CNTNAP5: variants seen among roughly 807,000 people sequenced by gnomAD.
The protein encoded by CNTNAP5 is contactin associated protein family member 5.
In CNTNAP5, 72 loss-of-function variants were observed where a neutral mutation model predicts 150.2. The ratio of observed to expected loss-of-function variants is 0.48; its 90% confidence interval spans 0.40 to 0.58. The LOEUF (loss-of-function observed/expected upper bound fraction) is 0.58, where lower values mean the gene tolerates loss of function less well. Among genes scored for constraint, CNTNAP5 ranks in the 20% least tolerant of loss-of-function variants. The pLI is 0.00. For synonymous variants in CNTNAP5, 672 were observed against 619.8 expected (o/e 1.08, Z -1.25); for missense variants, 1,636 against 1,626.2 (o/e 1.01, Z -0.10).
chr2:124,166,198 T>C (rs768595581), intron 1 of CNTNAP5, among the ~76,000 whole-genome samples: 1 of 152,176 alleles, frequency 6.6e-6, no homozygotes, highest in Non-Finnish European at 1.5e-5. Flanking sequence ...ATCGTTCCTA[T>C]GGCTTCACAT....
chr2:124,461,090 T>C (rs1275071670), intron 6 of CNTNAP5, among the ~76,000 whole-genome samples: 1 of 152,028 alleles, frequency 6.6e-6, no homozygotes, highest in Non-Finnish European at 1.5e-5. Flanking sequence ...GACTGTAAAC[T>C]AGTTCAACCA....
chr2:124,571,537 T>TCTCTTTTTTTTCTTTTTTC (rs1558959234), intron 11 of CNTNAP5, among the ~76,000 whole-genome samples: 1 of 102,214 alleles, frequency 9.8e-6, no homozygotes, highest in African/African-American at 3.8e-5. Flanking sequence ...CTTTTTTTTT[T>TCTCTTTTTTTTCTTTTTTC]TTTTTTTTTT....
At chr2:124,029,146 C>T (rs934725854) in intron 1 of CNTNAP5, among the ~76,000 whole-genome samples, 1 of 152,042 alleles carries the variant, frequency 6.6e-6, no homozygotes, top group African/African-American at 2.4e-5. Flanking sequence ...GGATCAAAAA[C>T]TCTTCATTCT....
intron 13 of CNTNAP5, among the ~76,000 whole-genome samples, chr2:124,694,910 G>C (rs1278726900): frequency 6.6e-6 from 1 of 152,044 alleles, no homozygotes; most frequent in African/African-American, 2.4e-5. Flanking sequence ...ATATGCTAAA[G>C]CTTTGCTTGT....
At position 124,713,310 on chromosome 2, in the gene CNTNAP5, CTTTCTTTCCTTTCTT is replaced by C. The variant is rs1558746899; in HGVS notation, c.2078-33917_2078-33903del. Reference sequence around the variant, plus strand: ...CTTTCTTTCTTTCTTTCTTCTTTCTCTTTCTTTCCTTTCTTTCTTTCTTTCTTTCTTTCTTTCTTT... The same window carrying C: ...CTTTCTTTCTTTCTTTCTTCTTTCTCTCTTTCTTTCTTTCTTTCTTTCTTT... On this transcript the variant is annotated intron_variant, in intron 13 of 23. Coordinates refer to ENST00000682447, the MANE Select transcript of CNTNAP5 (RefSeq NM_001367498.1). Among the ~76,000 whole-genome samples, 299 of 72,822 alleles carry C rather than the reference CTTTCTTTCCTTTCTT, an allele frequency of 4.1e-3. 16 individuals carry two copies. Among genetic ancestry groups the C allele is most frequent in the Admixed American group, 5.2e-3 (32 of 6,116 alleles). The allele number at this position is 72,822 out of a possible 152,430, so 47.8% of individuals were successfully genotyped here. A position where few individuals can be genotyped will look rare whatever the true frequency, so the allele number is the denominator to read the frequency against.
intron 3 of CNTNAP5, among the ~76,000 whole-genome samples, chr2:124,303,621 T>C (rs1485819996): frequency 6.6e-6 from 1 of 152,226 alleles, no homozygotes; most frequent in Non-Finnish European, 1.5e-5. Flanking sequence ...GAATTAAATA[T>C]ATAGATTATC....
chr2:124,274,104 T>A (rs757589610), intron 3 of CNTNAP5, among the ~76,000 whole-genome samples: 4 of 152,224 alleles, frequency 2.6e-5, no homozygotes, highest in Non-Finnish European at 5.9e-5. Flanking sequence ...CAATATATGA[T>A]AATTCAAAAT....
At chr2:124,060,163 A>G (rs973477326) in intron 1 of CNTNAP5, among the ~76,000 whole-genome samples, 4 of 152,134 alleles carry the variant, frequency 2.6e-5, no homozygotes, top group African/African-American at 9.7e-5. Flanking sequence ...TTTGGAATCG[A>G]TGACTCCACA....
intron 10 of CNTNAP5, among the ~76,000 whole-genome samples, chr2:124,561,038 T>C (rs1695880257): frequency 6.6e-6 from 1 of 152,050 alleles, no homozygotes; most frequent in Admixed American, 6.5e-5. Context: ...TTAAGGCAAT[T>C]TCTTGTTTTG....
At chr2:124,413,487 T>G (rs1004074234) in intron 3 of CNTNAP5, among the ~76,000 whole-genome samples, 3 of 132,454 alleles carry the variant, frequency 2.3e-5, no homozygotes, top group African/African-American at 8.6e-5. Context: ...AACCCAAATG[T>G]CCAACAATGA....
At position 124,479,556 on chromosome 2, in the gene CNTNAP5, G is replaced by A. The variant is rs540108035; in HGVS notation, c.1062+4674G>A. Among the ~76,000 whole-genome samples, 19 of 152,292 alleles carry A rather than the reference G, an allele frequency of 1.2e-4. No individual in the cohort carries two copies. The South Asian group carries it at 3.7e-3, about 30-fold the overall frequency. On this transcript the variant is annotated intron_variant, in intron 7 of 23. Transcript: ENST00000682447. Reference sequence around the variant, plus strand: ...GACTCTACTTACAGAGTTGGCTTTGGAGCTAATTGACTATGTCAATTCATT... The same window carrying A: ...GACTCTACTTACAGAGTTGGCTTTGAAGCTAATTGACTATGTCAATTCATT...
At chr2:124,789,069 T>C (rs1681662127) in intron 17 of CNTNAP5, among the ~76,000 whole-genome samples, 1 of 152,244 alleles carries the variant, frequency 6.6e-6, no homozygotes, top group African/African-American at 2.4e-5. Context: ...TTTGACTCCA[T>C]GTCTATCTGG....
chr2:124,474,964 C>T (rs1395093542), intron 7 of CNTNAP5, 82 bp downstream of exon 7: 5 of 1,216,502 alleles, frequency 4.1e-6, no homozygotes, highest in Non-Finnish European at 4.6e-6. Flanking sequence ...TTCCTGAACC[C>T]ATTCGTAATG....
At chr2:124,812,697 A>T (rs1442097523) in intron 19 of CNTNAP5, among the ~76,000 whole-genome samples, 1 of 151,984 alleles carries the variant, frequency 6.6e-6, no homozygotes, top group Non-Finnish European at 1.5e-5. Context: ...TTGTAGATCT[A>T]CCTATAACCT....
At chr2:124,162,770 C>A (rs554838255) in intron 1 of CNTNAP5, among the ~76,000 whole-genome samples, 7 of 152,160 alleles carry the variant, frequency 4.6e-5, no homozygotes, top group African/African-American at 1.7e-4. Context: ...TTTCTATATG[C>A]CTATGTGAAT....
At chr2:124,236,078 G>T (rs1573857051) in intron 2 of CNTNAP5, among the ~76,000 whole-genome samples, 1 of 152,020 alleles carries the variant, frequency 6.6e-6, no homozygotes, top group Non-Finnish European at 1.5e-5. Context: ...TGATTCTCCT[G>T]CCTCAGCCTC....
At chr2:124,359,249 A>G (rs984521981) in intron 3 of CNTNAP5, among the ~76,000 whole-genome samples, 1 of 151,344 alleles carries the variant, frequency 6.6e-6, no homozygotes, top group Non-Finnish European at 1.5e-5. Context: ...TCCTTTCAAA[A>G]AACCAGCTCC....
intron 19 of CNTNAP5, among the ~76,000 whole-genome samples, chr2:124,852,218 G>A (rs575959192): frequency 5.9e-5 from 9 of 152,170 alleles, no homozygotes; most frequent in Non-Finnish European, 1.3e-4. Context: ...AGTCCATGAT[G>A]CACTAATCAA....
chr2:124,184,568 CA>C (rs1475876096), intron 1 of CNTNAP5, among the ~76,000 whole-genome samples: 1 of 152,112 alleles, frequency 6.6e-6, no homozygotes, highest in African/African-American at 2.4e-5. Context: ...ACTCTGATAG[CA>C]GTGTGGAGAA....
Sources: gnomAD v4.1 joint callset for allele counts (sites outside exome capture counted in the v4.1 genomes callset) on GRCh38, gnomAD v4.1.1 for gene constraint, MANE v1.5 for transcripts, NCBI Gene and HGNC (gene_info 2026-07-23, HGNC 2026-07-21) for gene names.